The following NAA35 variants were observed in gnomAD, a reference collection of about 807,000 sequenced individuals.
NAA35 encodes N-alpha-acetyltransferase 35, NatC auxiliary subunit, also known as MAK10 homolog, amino-acid N-acetyltransferase subunit.
NAA35 carries 18 observed loss-of-function variants against 101.7 expected under a neutral mutation model. The ratio of observed to expected loss-of-function variants is 0.18; its 90% confidence interval spans 0.12 to 0.26. The LOEUF (loss-of-function observed/expected upper bound fraction) is 0.26. Ranked by LOEUF, NAA35 falls within the 10% of genes least tolerant of loss-of-function variation. The probability of loss-of-function intolerance (pLI) is 1.00; values close to 1 mark genes in which losing one functional copy is unlikely to be tolerated. For missense variants in NAA35, 601 were observed against 886.8 expected (o/e 0.68, Z 4.09); for synonymous variants, 267 against 273.1 (o/e 0.98, Z 0.22).
At chr9:86,009,757 C>T in intron 14 of NAA35, 108 bp from the exon 15 acceptor site, 5 of 727,118 alleles carry the variant, frequency 6.9e-6, no homozygotes, top group South Asian at 1.9e-5. Context: ...GTATCGGTTC[C>T]ATTTTCTCTT....
chr9:85,983,858 T>C (rs1207178412), intron 11 of NAA35, among the ~76,000 whole-genome samples: 1 of 151,836 alleles, frequency 6.6e-6, no homozygotes, highest in Non-Finnish European at 1.5e-5. Context: ...AATACAAAGT[T>C]GCAGAAATCT....
chr9:86,024,286 C>A lies in NAA35; in HGVS notation c.*2326C>A, dbSNP rs1361339237. Among the ~76,000 whole-genome samples, 1 of 152,144 alleles carries A rather than the reference C, an allele frequency of 6.6e-6. No homozygotes were observed. The highest frequency in any genetic ancestry group is 1.5e-5 in the Non-Finnish European group (1 of 68,032). On this transcript the variant is annotated 3_prime_UTR_variant, in exon 23 of 23. Coordinates refer to ENST00000361671, the MANE Select transcript of NAA35 (RefSeq NM_024635.4). ...AAAAGGGTCCCAGACAGAATGTGCA[C>A]AGGCTTGGAGGGGAGAGGGTAGCAG...
At chr9:85,983,368 CAA>C (rs1830513787) in intron 11 of NAA35, among the ~76,000 whole-genome samples, 2 of 152,070 alleles carry the variant, frequency 1.3e-5, no homozygotes, top group African/African-American at 4.8e-5. Flanking sequence ...TGGGGAAAAA[CAA>C]AAGCAAATTC....
chr9:85,943,456 T>C (rs1179441310), intron 2 of NAA35, among the ~76,000 whole-genome samples: 1 of 152,108 alleles, frequency 6.6e-6, no homozygotes, highest in Non-Finnish European at 1.5e-5. Flanking sequence ...GATAGTGCTC[T>C]GAAGGGGAGG....
intron 11 of NAA35, among the ~76,000 whole-genome samples, chr9:85,994,089 T>A (rs1831056394): frequency 1.3e-5 from 2 of 152,170 alleles, no homozygotes; most frequent in Non-Finnish European, 2.9e-5. Context: ...CACCAATGAC[T>A]AGGGTATAAT....
intron 6 of NAA35, among the ~76,000 whole-genome samples, chr9:85,968,431 C>T (rs559932016): frequency 2.0e-5 from 3 of 152,206 alleles, no homozygotes; most frequent in Admixed American, 6.5e-5. Context: ...AGGATGGTCT[C>T]GATCTCCTGA....
intron 6 of NAA35, among the ~76,000 whole-genome samples, chr9:85,968,092 G>A (rs1270996676): frequency 1.3e-5 from 2 of 151,954 alleles, no homozygotes; most frequent in Non-Finnish European, 2.9e-5. Flanking sequence ...GCCTTGAATC[G>A]GGGCACTGTT....
At chr9:86,008,954 C>T (rs1372450355) in intron 14 of NAA35, among the ~76,000 whole-genome samples, 2 of 152,080 alleles carry the variant, frequency 1.3e-5, no homozygotes, top group African/African-American at 4.8e-5. Context: ...TATTGCTTCA[C>T]CTTCATCTGT....
intron 6 of NAA35, among the ~76,000 whole-genome samples, chr9:85,970,754 G>C (rs1420197489): frequency 6.6e-6 from 1 of 152,134 alleles, no homozygotes; most frequent in Non-Finnish European, 1.5e-5. Flanking sequence ...TAAGGACAGA[G>C]GAAATGCTCC....
chr9:85,967,643 A>T (rs1829817158), intron 6 of NAA35, among the ~76,000 whole-genome samples: 1 of 152,070 alleles, frequency 6.6e-6, no homozygotes, highest in South Asian at 2.1e-4. Flanking sequence ...TCTACTAAAA[A>T]TACAAAAAAT....
At chr9:86,009,833 TAG>T (rs780166083) in intron 14 of NAA35, 30 bp from the exon 15 acceptor site, 36 of 1,560,410 alleles carry the variant, frequency 2.3e-5, no homozygotes, top group Non-Finnish European at 3.0e-5. Context: ...TTGGGCTGAA[TAG>T]ATTTTAATGA....
rs533229994 is a variant in NAA35 at position 85,957,672 on chromosome 9, C to G, written c.159-800C>G. On this transcript the variant is annotated intron_variant, in intron 3 of 22. Transcript: ENST00000361671. ...AAAATAAATGGAAATACTTGTTCGTCTTTATATGCCCATATGTAGCCCCAG... is the reference window on the plus strand; with the variant it reads ...AAAATAAATGGAAATACTTGTTCGTGTTTATATGCCCATATGTAGCCCCAG... Among the ~76,000 whole-genome samples the G allele has an allele frequency of 2.0e-5, 3 of 152,318 alleles. No homozygotes were observed. The East Asian group carries it at 5.8e-4, about 29-fold the overall frequency.
intron 6 of NAA35, among the ~76,000 whole-genome samples, chr9:85,967,223 T>C (rs1221075185): frequency 6.6e-6 from 1 of 152,154 alleles, no homozygotes; most frequent in Non-Finnish European, 1.5e-5. Context: ...TTATGGATAA[T>C]TGATTACACA....
chr9:85,967,478 G>T (rs529776310), intron 6 of NAA35, among the ~76,000 whole-genome samples: 183 of 152,070 alleles, frequency 1.2e-3, no homozygotes, highest in Non-Finnish European at 2.0e-3. Flanking sequence ...AAAAAAATAC[G>T]AATCTAGTAA....
intron 6 of NAA35, among the ~76,000 whole-genome samples, chr9:85,967,998 C>T (rs1339294892): frequency 6.6e-6 from 1 of 152,088 alleles, no homozygotes; most frequent in Non-Finnish European, 1.5e-5. Context: ...CTGTATCTTG[C>T]AATATCATAC....
rs375125571 is a variant in NAA35, at chr9:86,009,852, T to G, written c.1224-13T>G. The G allele has an allele frequency of 6.2e-7, 1 of 1,601,926 alleles. No individual in the cohort carries two copies. The highest frequency in any genetic ancestry group is 1.3e-5 in the African/African-American group (1 of 74,704). ...GCTGAATAGATTTTAATGATGTGAC[T>G]GTTATCTTGCAGGTGCTACCTATAT... is the stretch of plus-strand genomic sequence containing the variant. On this transcript the variant is annotated splice_polypyrimidine_tract_variant and intron_variant, in intron 14 of 22. Coordinates refer to ENST00000361671, the MANE Select transcript of NAA35 (RefSeq NM_024635.4).
intron 17 of NAA35, among the ~76,000 whole-genome samples, chr9:86,015,047 C>T (rs928718916): frequency 7.9e-5 from 12 of 152,224 alleles, no homozygotes; most frequent in African/African-American, 2.9e-4. Context: ...TACAGATGTG[C>T]ACCACTGCAC....
chr9:85,986,242 T>G (rs1830639528), intron 11 of NAA35, among the ~76,000 whole-genome samples: 1 of 152,210 alleles, frequency 6.6e-6, no homozygotes, highest in South Asian at 2.1e-4. Context: ...ATATGAAAAT[T>G]AAAATTTTCA....
At chr9:85,941,766 C>T (rs1342931558) in intron 1 of NAA35, 2 of 990,764 alleles carry the variant, frequency 2.0e-6, no homozygotes, top group East Asian at 1.1e-4. Flanking sequence ...ACTTCGGTAG[C>T]TGCCGCATGG....
Sources: gnomAD v4.1 joint callset for allele counts (sites outside exome capture counted in the v4.1 genomes callset) on GRCh38, gnomAD v4.1.1 for gene constraint, MANE v1.5 for transcripts, NCBI Gene and HGNC (gene_info 2026-07-23, HGNC 2026-07-21) for gene names.